Variants in CARD14 observed in about 807,000 individuals in gnomAD.
The protein encoded by CARD14 is caspase recruitment domain family member 14.
CARD14 carries 107 observed loss-of-function variants against 111.5 expected under a neutral mutation model. The observed-to-expected ratio is 0.96, with a 90% CI of 0.82 to 1.13. CARD14 has a LOEUF of 1.13. Among genes scored for constraint, CARD14 ranks in the 50% most tolerant of loss-of-function variants. The pLI, the probability that CARD14 is intolerant of heterozygous loss-of-function variation, is 0.00. For missense variants in CARD14, 1,322 were observed against 1,362.3 expected (o/e 0.97, Z 0.47); for synonymous variants, 617 against 579.6 (o/e 1.06, Z -0.93).
intron 6 of CARD14, among the ~76,000 whole-genome samples, chr17:80,183,510 C>G (rs972789649): frequency 6.6e-6 from 1 of 152,182 alleles, no homozygotes; most frequent in African/African-American, 2.4e-5. Flanking sequence ...TAAGTCTGAA[C>G]AGTGGGGTCT....
In CARD14 at chr17:80,195,128, C is replaced by G. The variant is rs566366503; in HGVS notation, c.1357-63C>G. ...TGGCTCTCTCTACACCGTGGGGGAG[C>G]AAGGGAGGAGTCTCAGGGTGTCCTC... On this transcript the variant is annotated intron_variant, in intron 12 of 23. Transcript: ENST00000648509. This position sits in a 1 kb window ranked among gnomAD's most constrained non-coding sequence, Gnocchi z 4.7. 67 of 1,531,042 alleles carry G rather than the reference C, an allele frequency of 4.4e-5. 1 individual carries two copies. The African/African-American group carries it at 7.9e-4, about 18-fold the overall frequency. 94.8% of individuals were successfully genotyped at this position (1,531,042 alleles called of 1,614,324 possible).
Position 80,208,596 on chromosome 17 carries a change from A to C in CARD14, c.*251A>C. 2.3e-6 allele frequency: 1 copy of C among 428,164 alleles called. No individual in the cohort carries two copies. Among genetic ancestry groups the C allele is most frequent in the East Asian group, 3.6e-5 (1 of 27,504 alleles). The allele number at this position is 428,164 out of a possible 1,614,324, so 26.5% of individuals were successfully genotyped here. On this transcript the variant is annotated 3_prime_UTR_variant, in exon 24 of 24. Transcript: ENST00000648509. The stretch of plus-strand genomic sequence containing the variant: ...CAGGCTTGGCATGGTCTGAACTGGA[A>C]ACCCTGAGAATGTTTCTGCAGTGGG...
In CARD14 at chr17:80,195,087, C is replaced by T. The variant is rs2040661344; in HGVS notation, c.1357-104C>T. 6 of 1,422,882 alleles carry T rather than the reference C, an allele frequency of 4.2e-6. No homozygotes were observed. In the Admixed American group the frequency reaches 6.8e-5, roughly 16 times the overall value. The allele number at this position is 1,422,882 out of a possible 1,614,324, so 88.1% of individuals were successfully genotyped here. ...CTTCTTTCCCCTCCTGCCTCCTCTC[C>T]AGTCAGTTCTCACTGTGGCTCTCTC... On this transcript the variant is annotated intron_variant, in intron 12 of 23. Coordinates refer to ENST00000648509, the MANE Select transcript of CARD14 (RefSeq NM_001366385.1). This position sits in a 1 kb window ranked among gnomAD's most constrained non-coding sequence, Gnocchi z 4.7.
intron 23 of CARD14, 53 bp downstream of exon 23, chr17:80,207,138 C>G (rs2144611768): frequency 7.5e-7 from 1 of 1,337,612 alleles, no homozygotes; most frequent in South Asian, 1.2e-5. Context: ...CCTGGGCTCC[C>G]CCAAAGCCCA....
At position 80,203,747 on chromosome 17, in the gene CARD14, C is replaced by G; in HGVS notation, c.2220-75C>G. The G allele has an allele frequency of 8.5e-7, 1 of 1,170,572 alleles. No individual in the cohort carries two copies. The highest frequency in any genetic ancestry group is 2.4e-4 in the Middle Eastern group (1 of 4,202). The allele number at this position is 1,170,572 out of a possible 1,614,324, so 72.5% of individuals were successfully genotyped here. A position where few individuals can be genotyped will look rare whatever the true frequency, so the allele number is the denominator to read the frequency against. ...CCCACCCGGCCATCTCCCCCACTCT[C>G]CCCTGCTCGGCTCTCCCCTGCCCTG... On this transcript the variant is annotated intron_variant, in intron 18 of 23. Transcript: ENST00000648509. The surrounding 1 kb of genome is among the most constrained non-coding windows in gnomAD (Gnocchi z 4.6).
chr17:80,205,673 G>A (rs1212887550), intron 22 of CARD14, 21 bp downstream of exon 22: 2 of 1,535,162 alleles, frequency 1.3e-6, no homozygotes, highest in East Asian at 2.4e-5. Flanking sequence ...GGGCGGGGTG[G>A]GCAGGGGAGC....
At chr17:80,205,480 C>T in intron 21 of CARD14, 51 bp from the exon 22 acceptor site, 1 of 1,561,418 alleles carries the variant, frequency 6.4e-7, no homozygotes, top group Non-Finnish European at 8.7e-7. Flanking sequence ...GGGACTCCCC[C>T]AGACCCCCAC....
At chr17:80,176,105 CTTT>C (rs71365590) in intron 2 of CARD14, among the ~76,000 whole-genome samples, 2 of 135,628 alleles carry the variant, frequency 1.5e-5, no homozygotes, top group Non-Finnish European at 1.6e-5. Flanking sequence ...AAGCCTGGAT[CTTT>C]TTTTTTTTTT....
Position 80,202,397 on chromosome 17 carries a change from C to T in CARD14, c.2196C>T (p.His732=), listed in dbSNP as rs758642695. Reference sequence around the variant, plus strand: ...ACACCATGAAGGATACTGCCGCGCACGGCACCATCCCCAACTACTCCAGGT... The same window carrying T: ...ACACCATGAAGGATACTGCCGCGCATGGCACCATCCCCAACTACTCCAGGT... ...NSYTMKDTAA[H]GTIPNYSRAQ... The change falls in exon 18 of 24, where the codon CAC becomes CAT. Residue 732 remains histidine (H), a synonymous_variant. Coordinates refer to ENST00000648509, the MANE Select transcript of CARD14 (RefSeq NM_001366385.1). 95 of 1,612,628 alleles carry T rather than the reference C, an allele frequency of 5.9e-5. No individual in the cohort carries two copies. Among genetic ancestry groups the T allele is most frequent in the South Asian group, 4.6e-4 (42 of 91,070 alleles).
At chr17:80,171,782 G>C (rs1186204979) in intron 1 of CARD14, among the ~76,000 whole-genome samples, 1 of 152,194 alleles carries the variant, frequency 6.6e-6, no homozygotes, top group Non-Finnish European at 1.5e-5. Flanking sequence ...GGCAGCTTTG[G>C]CTTGAGCTGC....
Position 80,198,698 on chromosome 17 carries a change from C to T in CARD14, c.1851+107C>T, listed in dbSNP as rs774632362. 4 of 1,599,250 alleles carry T rather than the reference C, an allele frequency of 2.5e-6. No homozygotes were observed. Among genetic ancestry groups the T allele is most frequent in the Non-Finnish European group, 3.4e-6 (4 of 1,175,208 alleles). ...ACCTCCCCCAGACGATGCAGATCCACTCTGGGCTGGGCCTCTGCTCTTTCC... is the reference window on the plus strand; with the variant it reads ...ACCTCCCCCAGACGATGCAGATCCATTCTGGGCTGGGCCTCTGCTCTTTCC... On this transcript the variant is annotated intron_variant, in intron 16 of 23. Coordinates refer to ENST00000648509, the MANE Select transcript of CARD14 (RefSeq NM_001366385.1). This position sits in a 1 kb window ranked among gnomAD's most constrained non-coding sequence, Gnocchi z 7.5.
chr17:80,205,384 T>G, intron 21 of CARD14, 147 bp from the exon 22 acceptor site: 1 of 1,225,292 alleles, frequency 8.2e-7, no homozygotes, highest in Non-Finnish European at 1.1e-6. Context: ...GAGCGGGGTG[T>G]GCAGGGTCAG....
At chr17:80,174,703 G>T (rs1207351090) in intron 2 of CARD14, among the ~76,000 whole-genome samples, 2 of 152,110 alleles carry the variant, frequency 1.3e-5, no homozygotes, top group African/African-American at 4.8e-5. Flanking sequence ...GTTGCCCTGC[G>T]CTGAGAAGGA....
At position 80,204,216 on chromosome 17, in the gene CARD14, C is replaced by T. The variant is rs767976234; in HGVS notation, c.2284-11C>T. The stretch of plus-strand genomic sequence containing the variant: ...CAGCTCCTCCTCATCCTTTCTCTGT[C>T]CCTCCTTTAGCCATCTTCTGGGGGA... On this transcript the variant is annotated splice_polypyrimidine_tract_variant and intron_variant, in intron 19 of 23. Coordinates refer to ENST00000648509, the MANE Select transcript of CARD14 (RefSeq NM_001366385.1). 8 of 1,576,922 alleles carry T rather than the reference C, an allele frequency of 5.1e-6. No homozygotes were observed. In the Admixed American group the frequency reaches 5.2e-5, roughly 10 times the overall value.
Position 80,204,439 on chromosome 17 carries a change from A to C in CARD14, c.2398+98A>C, listed in dbSNP as rs1042360530. 1.1e-5 allele frequency: 13 copies of C among 1,188,128 alleles called. No homozygotes were observed. The African/African-American group carries it at 1.4e-4, about 12-fold the overall frequency. The allele number at this position is 1,188,128 out of a possible 1,614,324, so 73.6% of individuals were successfully genotyped here. On this transcript the variant is annotated intron_variant, in intron 20 of 23. Transcript: ENST00000648509. ...TGGTCAGCTGGGGCAGGGGGATGCC[A>C]CTCATTTAGGCCAGGATCTGGTCTT...
Position 80,188,383 on chromosome 17 carries a change from C to G in CARD14, c.682C>G (p.Leu228Val). 3.1e-6 allele frequency: 5 copies of G among 1,609,930 alleles called. No individual in the cohort carries two copies. Among genetic ancestry groups the G allele is most frequent in the Non-Finnish European group, 4.2e-6 (5 of 1,178,212 alleles). The change falls in exon 8 of 24, where the codon CTA becomes GTA. Residue 228 changes from leucine (L) to valine (V), a missense_variant. By Grantham distance (32) the Leu-to-Val change is conservative. Transcript: ENST00000648509. This position sits in a 1 kb window ranked among gnomAD's most constrained non-coding sequence, Gnocchi z 4.5. The stretch of plus-strand genomic sequence containing the variant: ...TCGCCTCCCCACCGCACAGCTGTAT[C>G]TACTGAAGCAGGAGCTGCAGCGAGC... ...RCRSLQEELY[L>V]LKQELQRANM...
rs1056394182 is a variant in CARD14 at position 80,205,728 on chromosome 17, A to G, written c.2691+76A>G. ...GGAATGCAGAGGAGGGGGATGAGAT[A>G]AAGGTACAGGGACCGACCTGAGACC... On this transcript the variant is annotated intron_variant, in intron 22 of 23. Transcript: ENST00000648509. The G allele has an allele frequency of 1.3e-5, 19 of 1,432,562 alleles. No individual in the cohort carries two copies. In the African/African-American group the frequency reaches 1.7e-4, roughly 13 times the overall value. The allele number at this position is 1,432,562 out of a possible 1,614,324, so 88.7% of individuals were successfully genotyped here.
intron 2 of CARD14, among the ~76,000 whole-genome samples, chr17:80,176,981 CCA>C (rs2040040674): frequency 6.6e-6 from 1 of 152,210 alleles, no homozygotes; most frequent in South Asian, 2.1e-4. Context: ...TCATAAATTA[CCA>C]CAAACTGGGT....
chr17:80,197,958 G>A, intron 14 of CARD14, 141 bp from the exon 15 acceptor site: 1 of 756,342 alleles, frequency 1.3e-6, no homozygotes. Flanking sequence ...AAGGGGCTGA[G>A]GTTACAGGAG....
Sources: gnomAD v4.1 joint callset for allele counts (sites outside exome capture counted in the v4.1 genomes callset) on GRCh38, gnomAD v4.1.1 for gene constraint, Gnocchi (gnomAD v3.1) non-coding constraint, MANE v1.5 for transcripts, NCBI Gene and HGNC (gene_info 2026-07-23, HGNC 2026-07-21) for gene names.